The following THRAP3 variants were observed in gnomAD, a reference collection of about 807,000 sequenced individuals.
THRAP3 encodes thyroid hormone receptor associated protein 3.
THRAP3 carries 16 observed loss-of-function variants against 101.0 expected under a neutral mutation model. The ratio of observed to expected loss-of-function variants is 0.16; its 90% CI spans 0.11 to 0.24. The LOEUF is 0.24. Ranked by LOEUF, THRAP3 falls within the 10% of genes least tolerant of loss-of-function variation. The probability of loss-of-function intolerance (pLI) is 1.00; values close to 1 mark genes in which losing one functional copy is unlikely to be tolerated. For missense variants in THRAP3, 989 were observed against 1,202.7 expected, an observed-to-expected ratio of 0.82 and a Z score of 2.63; for synonymous variants, 407 against 422.6, an observed-to-expected ratio of 0.96 and a Z score of 0.45.
At chr1:36,266,637 C>T (rs1645517587) in intron 2 of THRAP3, among the ~76,000 whole-genome samples, 1 of 152,120 alleles carries the variant, frequency 6.6e-6, no homozygotes, top group Non-Finnish European at 1.5e-5. Flanking sequence ...CACAGTGTCC[C>T]TCACCCCAGT....
At chr1:36,227,090 C>G (rs1644970731) in intron 1 of THRAP3, among the ~76,000 whole-genome samples, 1 of 151,914 alleles carries the variant, frequency 6.6e-6, no homozygotes, top group Non-Finnish European at 1.5e-5. Context: ...AGTGCACAAA[C>G]TGGAAGATGG....
At chr1:36,283,455 T>C (rs1348428885) in intron 3 of THRAP3, among the ~76,000 whole-genome samples, 2 of 152,228 alleles carry the variant, frequency 1.3e-5, no homozygotes, top group Admixed American at 6.5e-5. Context: ...TGTGGATAGA[T>C]AAGAAGCTTT....
intron 3 of THRAP3, among the ~76,000 whole-genome samples, chr1:36,285,804 G>GGT (rs1645787326): frequency 6.6e-6 from 1 of 152,098 alleles, no homozygotes; most frequent in Non-Finnish European, 1.5e-5. Flanking sequence ...AGTTTTCTTT[G>GGT]GTGTGTACCT....
intron 2 of THRAP3, among the ~76,000 whole-genome samples, chr1:36,260,839 A>AG (rs1313979279): frequency 6.6e-6 from 1 of 151,178 alleles, no homozygotes; most frequent in Non-Finnish European, 1.5e-5. Context: ...AAAAAAAAAA[A>AG]GGCACTCTGG....
chr1:36,246,493 A>G (rs1487467572), intron 1 of THRAP3, among the ~76,000 whole-genome samples: 4 of 151,528 alleles, frequency 2.6e-5, no homozygotes, highest in Non-Finnish European at 5.9e-5. Context: ...TTGGCGTCCC[A>G]AGGTGCTGGG....
chr1:36,303,976 A>G lies in THRAP3; in HGVS notation c.2827A>G (p.Asn943Asp). Residue 943 changes from asparagine (N) to aspartate (D), a missense_variant, in exon 12 of 12, where the codon AAC (asparagine) becomes GAC (aspartate). Coordinates refer to ENST00000354618, the MANE Select transcript of THRAP3 (RefSeq NM_005119.4). ...TGAAGACGACGAGAGTGGGACAGAGAACCGAGAAGAGAAGGACAATATACA... is the reference window on the plus strand; with the variant it reads ...TGAAGACGACGAGAGTGGGACAGAGGACCGAGAAGAGAAGGACAATATACA... ...EIEDDESGTE[N>D]REEKDNIQPT... 6.2e-7 allele frequency: 1 copy of G among 1,601,414 alleles called. No homozygotes were observed. The highest frequency in any genetic ancestry group is 1.1e-5 in the South Asian group (1 of 89,372).
At chr1:36,294,483 T>C (rs1185078066) in intron 8 of THRAP3, among the ~76,000 whole-genome samples, 1 of 152,202 alleles carries the variant, frequency 6.6e-6, no homozygotes, top group East Asian at 1.9e-4. Context: ...ACGTAAACAC[T>C]GTTAAGAGGT....
At chr1:36,218,449 G>C in the THRAP3 span, among the ~76,000 whole-genome samples, 1 of 140,442 alleles carries the variant, frequency 7.1e-6, no homozygotes, top group South Asian at 2.2e-4. Flanking sequence ...AGGCGCAGTT[G>C]CTCACGCCTG....
the THRAP3 span, among the ~76,000 whole-genome samples, chr1:36,218,606 T>C: frequency 5.0e-4 from 70 of 141,030 alleles, no homozygotes; most frequent in Middle Eastern, 9.1e-3. Flanking sequence ...CCTGTAGTCC[T>C]AGCTACTCGG....
chr1:36,301,648 AGAG>A lies in THRAP3; in HGVS notation c.2602_2604del (p.Glu868del), dbSNP rs1167711470. On this transcript the variant is annotated inframe_deletion, in exon 11 of 12. Transcript: ENST00000354618. ...ACGATTTTCAAAAAAGAAACCGGGA[AGAG>A]GAGTGGGACCCAGAGTACACACCCA... 1 of 1,614,082 alleles carries A rather than the reference AGAG, an allele frequency of 6.2e-7. No individual in the cohort carries two copies. The highest frequency in any genetic ancestry group is 8.5e-7 in the Non-Finnish European group (1 of 1,180,046).
intron 2 of THRAP3, among the ~76,000 whole-genome samples, chr1:36,269,297 G>A (rs942620193): frequency 6.6e-6 from 1 of 151,960 alleles, no homozygotes; most frequent in African/African-American, 2.4e-5. Flanking sequence ...AGTGGATTTC[G>A]GACACCATAG....
chr1:36,260,161 C>T (rs1426678741), intron 2 of THRAP3, among the ~76,000 whole-genome samples: 1 of 151,872 alleles, frequency 6.6e-6, no homozygotes, highest in African/African-American at 2.4e-5. Context: ...AGAATCACTT[C>T]AATGCAGAAG....
intron 2 of THRAP3, among the ~76,000 whole-genome samples, chr1:36,274,074 TGTCA>T (rs1426796202): frequency 2.4e-5 from 3 of 126,052 alleles, no homozygotes; most frequent in East Asian, 2.3e-4. Flanking sequence ...TGTGTGTGTG[TGTCA>T]CACACACACA....
chr1:36,296,544 G>A, intron 8 of THRAP3, 39 bp from the exon 9 acceptor site: 5 of 1,490,088 alleles, frequency 3.4e-6, no homozygotes, highest in Non-Finnish European at 4.5e-6. Flanking sequence ...TGACAGCTCT[G>A]AATCCCAGAA....
chr1:36,234,807 C>CTTTTTTTTTTTTTTTTTTT (rs35278020), intron 1 of THRAP3, among the ~76,000 whole-genome samples: 24 of 72,484 alleles, frequency 3.3e-4, no homozygotes, highest in South Asian at 6.5e-4. Context: ...CTGTTTCAGT[C>CTTTTTTTTTTTTTTTTTTT]TTTTTTTTTT....
At chr1:36,250,381 C>G (rs985213353) in intron 1 of THRAP3, among the ~76,000 whole-genome samples, 6 of 151,812 alleles carry the variant, frequency 4.0e-5, no homozygotes, top group African/African-American at 1.4e-4. Flanking sequence ...ACCCAGCTAA[C>G]TTTTGTATTT....
At chr1:36,212,467 C>CTGAAG in the THRAP3 span, among the ~76,000 whole-genome samples, 1 of 138,530 alleles carries the variant, frequency 7.2e-6, no homozygotes, top group Admixed American at 7.9e-5. Flanking sequence ...TTCGGCCAGG[C>CTGAAG]TGAAGTGCAG....
At chr1:36,223,525 C>A (rs971794412), upstream of THRAP3, among the ~76,000 whole-genome samples, 4 of 152,162 alleles carry the variant, frequency 2.6e-5, no homozygotes, top group African/African-American at 9.7e-5. Flanking sequence ...ACTTTGAAAG[C>A]ATCACAGATG....
At chr1:36,298,040 G>A (rs1346743178) in intron 9 of THRAP3, among the ~76,000 whole-genome samples, 3 of 150,662 alleles carry the variant, frequency 2.0e-5, no homozygotes, top group East Asian at 3.9e-4. Flanking sequence ...CCAGCTACTC[G>A]GGAGGCTAAG....
Sources: gnomAD v4.1 joint callset for allele counts (sites outside exome capture counted in the v4.1 genomes callset) on GRCh38, gnomAD v4.1.1 for gene constraint, MANE v1.5 for transcripts, NCBI Gene and HGNC (gene_info 2026-07-23, HGNC 2026-07-21) for gene names.